Variants in PDE4D observed in about 807,000 individuals in gnomAD.
The protein encoded by PDE4D is 3',5'-cyclic-AMP phosphodiesterase 4D.
Under a neutral mutation model 87.4 loss-of-function variants are expected in PDE4D, and 24 were observed. The observed-to-expected ratio is 0.27, with a 90% confidence interval of 0.20 to 0.39. The LOEUF (loss-of-function observed/expected upper bound fraction) is 0.39. Ranked by LOEUF, PDE4D falls within the 10% of genes least tolerant of loss-of-function variation. The pLI, the probability that PDE4D is intolerant of heterozygous loss-of-function variation, is 1.00. For missense variants in PDE4D, 714 were observed against 1,041.0 expected (o/e 0.69, Z 4.32); for synonymous variants, 384 against 383.2 (o/e 1.00, Z -0.02).
At chr5:59,765,755 A>G (rs915839186) in intron 1 of PDE4D, among the ~76,000 whole-genome samples, 2 of 152,230 alleles carry the variant, frequency 1.3e-5, no homozygotes, top group Non-Finnish European at 2.9e-5. Flanking sequence ...GCCTCCCCAC[A>G]AAAAGCAGAA....
At chr5:60,331,038 G>A (rs1269772869) in intron 1 of PDE4D, among the ~76,000 whole-genome samples, 1 of 152,154 alleles carries the variant, frequency 6.6e-6, no homozygotes, top group Non-Finnish European at 1.5e-5. Flanking sequence ...TGAATAAATG[G>A]TCTGTTTTGT....
At chr5:60,097,917 C>T (rs1214281966) in intron 2 of PDE4D, among the ~76,000 whole-genome samples, 1 of 151,958 alleles carries the variant, frequency 6.6e-6, no homozygotes, top group Non-Finnish European at 1.5e-5. Context: ...GACTGGAAAA[C>T]TCTTAATCAA....
intron 2 of PDE4D, among the ~76,000 whole-genome samples, chr5:60,106,426 A>T (rs1255403685): frequency 1.3e-5 from 2 of 151,886 alleles, no homozygotes; most frequent in African/African-American, 4.8e-5. Context: ...TTAACACCCC[A>T]CTGTCAACAT....
At chr5:59,582,486 C>A (rs569460772) in intron 1 of PDE4D, among the ~76,000 whole-genome samples, 1 of 152,056 alleles carries the variant, frequency 6.6e-6, no homozygotes, top group Non-Finnish European at 1.5e-5. Context: ...TCTCTGAATA[C>A]GTATTCATTA....
intron 3 of PDE4D, among the ~76,000 whole-genome samples, chr5:59,926,382 A>T (rs554407061): frequency 1.2e-4 from 19 of 152,220 alleles, no homozygotes; most frequent in Admixed American, 9.8e-4. Flanking sequence ...AGGGCAGTTT[A>T]TACCCTATAT....
intron 1 of PDE4D, among the ~76,000 whole-genome samples, chr5:59,824,091 G>A (rs550849991): frequency 6.6e-6 from 1 of 151,970 alleles, no homozygotes; most frequent in South Asian, 2.1e-4. Context: ...GCACTGTCCA[G>A]CAGAAAGGCA....
Position 59,220,828 on chromosome 5 carries a change from T to C in PDE4D, c.456-4860A>G, listed in dbSNP as rs1752389694. Reference sequence around the variant, plus strand: ...CCAAAGACATTCTTTAGAAAACACTTGGATGTGGTGAATTCTCTTTTGACT... The same window carrying C: ...CCAAAGACATTCTTTAGAAAACACTCGGATGTGGTGAATTCTCTTTTGACT... On this transcript the variant is annotated intron_variant, in intron 1 of 14. Transcript: ENST00000340635. Among the ~76,000 whole-genome samples the C allele has an allele frequency of 2.6e-5, 4 of 151,962 alleles. No homozygotes were observed. The South Asian group carries it at 8.3e-4, about 32-fold the overall frequency.
At chr5:59,423,840 T>C (rs75437497) in intron 1 of PDE4D, among the ~76,000 whole-genome samples, 33 of 150,142 alleles carry the variant, frequency 2.2e-4, no homozygotes, top group Middle Eastern at 3.5e-3. Flanking sequence ...TGGTAGCCAC[T>C]GAAAAGCTAG....
At position 59,480,388 on chromosome 5, in the gene PDE4D, G is replaced by C. The variant is rs190026919; in HGVS notation, c.456-264420C>G. Among the ~76,000 whole-genome samples, 4 of 152,172 alleles carry C rather than the reference G, an allele frequency of 2.6e-5. No homozygotes were observed. In the East Asian group the frequency reaches 7.7e-4, roughly 29 times the overall value. On this transcript the variant is annotated intron_variant, in intron 1 of 14. Transcript: ENST00000340635. Reference sequence around the variant, plus strand: ...AAGATCATATTACAATGAAGATAATGTTCCCACGTACTCTCTGAATAGTCT... The same window carrying C: ...AAGATCATATTACAATGAAGATAATCTTCCCACGTACTCTCTGAATAGTCT...
At chr5:59,758,804 TG>T (rs1185060130) in intron 1 of PDE4D, among the ~76,000 whole-genome samples, 17 of 152,208 alleles carry the variant, frequency 1.1e-4, no homozygotes, top group Non-Finnish European at 2.5e-4. Context: ...AGCAGCAAGT[TG>T]GAACTTGTTT....
At chr5:59,740,571 T>C (rs2150666656) in intron 1 of PDE4D, among the ~76,000 whole-genome samples, 1 of 152,304 alleles carries the variant, frequency 6.6e-6, no homozygotes, top group South Asian at 2.1e-4. Context: ...AAAGATTTTA[T>C]ATGAGACTTC....
chr5:59,604,325 A>G (rs905740096), intron 1 of PDE4D, among the ~76,000 whole-genome samples: 12 of 152,062 alleles, frequency 7.9e-5, no homozygotes, highest in Non-Finnish European at 1.6e-4. Flanking sequence ...ATCATGTAGC[A>G]CATGCAAGTA....
intron 5 of PDE4D, among the ~76,000 whole-genome samples, chr5:59,102,603 G>C (rs546301732): frequency 6.6e-6 from 1 of 152,102 alleles, no homozygotes; most frequent in African/African-American, 2.4e-5. Flanking sequence ...AGACAATAGC[G>C]GTAACCCTTC....
At chr5:60,186,197 T>C (rs1784773185) in intron 1 of PDE4D, among the ~76,000 whole-genome samples, 1 of 152,142 alleles carries the variant, frequency 6.6e-6, no homozygotes, top group African/African-American at 2.4e-5. Context: ...CCAATGACTC[T>C]TCAGTAAATT....
At chr5:59,642,941 A>C (rs1741851847) in intron 1 of PDE4D, among the ~76,000 whole-genome samples, 1 of 152,228 alleles carries the variant, frequency 6.6e-6, no homozygotes, top group Non-Finnish European at 1.5e-5. Context: ...AGTATAAAAT[A>C]GTCAATCTCT....
At chr5:59,547,184 A>T (rs572963602) in intron 1 of PDE4D, among the ~76,000 whole-genome samples, 1 of 152,286 alleles carries the variant, frequency 6.6e-6, no homozygotes, top group East Asian at 1.9e-4. Flanking sequence ...AATACTTTCA[A>T]TTTTGAAGTA....
At chr5:60,184,249 AT>A (rs79022684) in intron 2 of PDE4D, among the ~76,000 whole-genome samples, 1,737 of 151,232 alleles carry the variant, frequency 0.011, 44 homozygotes, top group African/African-American at 0.039. Flanking sequence ...GCCTTTACAC[AT>A]TTTTTTTTCA....
intron 3 of PDE4D, among the ~76,000 whole-genome samples, chr5:59,188,431 C>T (rs943997822): frequency 2.0e-5 from 3 of 152,126 alleles, no homozygotes; most frequent in African/African-American, 7.2e-5. Context: ...ATGTTATTTA[C>T]GTACACTACT....
At position 59,702,294 on chromosome 5, in the gene PDE4D, T is replaced by C. The variant is rs528609230; in HGVS notation, c.455+190874A>G. Among the ~76,000 whole-genome samples the C allele has an allele frequency of 2.6e-5, 4 of 152,172 alleles. No homozygotes were observed. In the South Asian group the frequency reaches 8.3e-4, roughly 32 times the overall value. ...GCCCACCACCACACCCGGCTAATTT[T>C]TTGTATTTTTTAGTAGAGACGGGGT... On this transcript the variant is annotated intron_variant, in intron 1 of 14. Transcript: ENST00000340635.
Sources: allele counts gnomAD v4.1 joint callset (sites outside exome capture counted in the v4.1 genomes callset), GRCh38; gene constraint gnomAD v4.1.1; transcripts MANE v1.5; gene names NCBI Gene and HGNC (gene_info 2026-07-23, HGNC 2026-07-21).